Variants in TSHR observed in about 807,000 individuals in gnomAD.
TSHR encodes the protein thyrotropin receptor.
TSHR carries 51 observed loss-of-function variants against 64.1 expected under a neutral mutation model. The ratio of observed to expected loss-of-function variants is 0.80; its 90% CI spans 0.64 to 1.01. The LOEUF is 1.01. Among genes scored for constraint, TSHR ranks in the 50% least tolerant of loss-of-function variants. The probability of loss-of-function intolerance (pLI) is 0.00; values close to 1 mark genes in which losing one functional copy is unlikely to be tolerated. For missense variants in TSHR, 877 were observed against 942.8 expected (o/e 0.93, Z 0.91); for synonymous variants, 361 against 361.9 (o/e 1.00, Z 0.03).
intron 8 of TSHR, among the ~76,000 whole-genome samples, chr14:81,120,026 T>G: frequency 1.0e-5 from 1 of 100,388 alleles, no homozygotes; most frequent in East Asian, 3.4e-4. Flanking sequence ...CTGGGGACTG[T>G]TGTGGGGTGG....
intron 8 of TSHR, among the ~76,000 whole-genome samples, chr14:81,113,669 A>T (rs1365935085): frequency 6.6e-6 from 1 of 152,006 alleles, no homozygotes; most frequent in African/African-American, 2.4e-5. Context: ...AGGAAAGGTG[A>T]TCATGTGAGT....
At chr14:81,105,346 G>A (rs560129365) in intron 7 of TSHR, 65 of 618,248 alleles carry the variant, frequency 1.1e-4, no homozygotes, top group Admixed American at 1.3e-4. Flanking sequence ...TCAGATGGAA[G>A]GCAAGAGCAG....
intron 7 of TSHR, among the ~76,000 whole-genome samples, chr14:81,098,493 A>G (rs1449580948): frequency 1.3e-5 from 2 of 152,178 alleles, no homozygotes; most frequent in African/African-American, 4.8e-5. Context: ...CTTTGATTCA[A>G]CTATTCCTAG....
rs754517766 is a variant in TSHR, at chr14:81,143,617, G to A, written c.1559G>A (p.Trp520Ter). 3 of 1,613,912 alleles carry A rather than the reference G, an allele frequency of 1.9e-6. No individual in the cohort carries two copies. The highest frequency in any genetic ancestry group is 2.5e-6 in the Non-Finnish European group (3 of 1,180,042). ...CTGACGGTCATCACCCTGGAGCGCT[G>A]GTATGCCATCACCTTCGCCATGCGC... ...YTLTVITLERWYAITFAMRLD... is the reference protein window; with the variant it reads ...YTLTVITLER Residue 520 changes from tryptophan (W) to a stop codon, truncating the protein, a stop_gained, in exon 10 of 10, where the codon TGG becomes TAG. Coordinates refer to ENST00000298171, the MANE Select transcript of TSHR (RefSeq NM_000369.5). LOFTEE classifies it high-confidence loss of function.
intron 1 of TSHR, among the ~76,000 whole-genome samples, chr14:80,966,621 CAG>C (rs1887312315): frequency 6.7e-6 from 1 of 150,058 alleles, no homozygotes; most frequent in Non-Finnish European, 1.5e-5. Flanking sequence ...AAAAGTAAAA[CAG>C]AGAATGTCAG....
intron 1 of TSHR, among the ~76,000 whole-genome samples, chr14:81,058,827 G>T (rs1267227768): frequency 1.3e-5 from 2 of 152,230 alleles, no homozygotes; most frequent in East Asian, 3.9e-4. Flanking sequence ...TTCACTTGGT[G>T]TTTTTTCTTT....
Position 81,130,720 on chromosome 14 carries a change from G to A in TSHR, c.693-8959G>A, listed in dbSNP as rs1379064715. 8.8e-5 allele frequency among the ~76,000 whole-genome samples: 8 copies of A among 91,000 alleles called. 2 individuals are homozygous for A. Among genetic ancestry groups the A allele is most frequent in the African/African-American group, 7.3e-4 (8 of 11,000 alleles). The allele number at this position is 91,000 out of a possible 152,430, so 59.7% of individuals were successfully genotyped here. On this transcript the variant is annotated intron_variant, in intron 8 of 9. Coordinates refer to ENST00000298171, the MANE Select transcript of TSHR (RefSeq NM_000369.5). ...ATAAAACACTGCTTGGGCCGGGCGC[G>A]GTGGCTCACGCCTGTAATCCCAGCA...
chr14:81,096,498 T>C, intron 6 of TSHR, 141 bp from the exon 7 acceptor site: 1 of 777,934 alleles, frequency 1.3e-6, no homozygotes, highest in South Asian at 1.5e-5. Flanking sequence ...ACTGGAAAGT[T>C]TTCTTGTGGG....
intron 8 of TSHR, among the ~76,000 whole-genome samples, chr14:81,137,634 C>T (rs931363555): frequency 5.9e-5 from 9 of 152,320 alleles, no homozygotes; most frequent in African/African-American, 1.9e-4. Context: ...ACAGAGACAA[C>T]CTATCCCCAC....
chr14:81,136,490 G>T (rs1891461465), intron 8 of TSHR, among the ~76,000 whole-genome samples: 1 of 152,208 alleles, frequency 6.6e-6, no homozygotes, highest in African/African-American at 2.4e-5. Context: ...GGGAAATAGA[G>T]GAGGAGCAGG....
At chr14:80,978,095 AC>A (rs1447772092) in intron 1 of TSHR, among the ~76,000 whole-genome samples, 1 of 3,146 alleles carries the variant, frequency 3.2e-4, no homozygotes, top group Non-Finnish European at 1.6e-3. Context: ...CATCCCTCCA[AC>A]ACACACACAC....
chr14:81,128,335 G>T (rs1891099595), intron 8 of TSHR, among the ~76,000 whole-genome samples: 1 of 152,122 alleles, frequency 6.6e-6, no homozygotes, highest in African/African-American at 2.4e-5. Context: ...TATCAGGTAA[G>T]TCCCCCGAGG....
At chr14:81,072,996 C>CAAAAAAAA (rs1212879309) in intron 3 of TSHR, among the ~76,000 whole-genome samples, 3 of 7,524 alleles carry the variant, frequency 4.0e-4, no homozygotes, top group African/African-American at 1.3e-3. Flanking sequence ...GACTCCGTCT[C>CAAAAAAAA]AAAAAAAAAA....
intron 1 of TSHR, among the ~76,000 whole-genome samples, chr14:81,054,898 G>A (rs1595010899): frequency 6.6e-6 from 1 of 152,164 alleles, no homozygotes; most frequent in Non-Finnish European, 1.5e-5. Flanking sequence ...CATTTTCTGA[G>A]GAGAAATTCA....
chr14:80,989,206 G>A (rs185280132), intron 1 of TSHR, among the ~76,000 whole-genome samples: 33 of 152,072 alleles, frequency 2.2e-4, no homozygotes, highest in East Asian at 5.8e-4. Flanking sequence ...CTTCAGTTTC[G>A]TTTGTTACAG....
chr14:81,107,245 T>C (rs1012252173), intron 7 of TSHR: 1 of 152,120 alleles, frequency 6.6e-6, no homozygotes, highest in African/African-American at 2.4e-5. Context: ...TTAAAAATGT[T>C]CCACCATGAA....
chr14:80,979,431 G>T (rs1406634437), intron 1 of TSHR, among the ~76,000 whole-genome samples: 1 of 152,090 alleles, frequency 6.6e-6, no homozygotes, highest in Non-Finnish European at 1.5e-5. Flanking sequence ...TTAGGTAGGA[G>T]GAATAAATTC....
intron 1 of TSHR, among the ~76,000 whole-genome samples, chr14:81,043,768 C>T (rs1364690759): frequency 1.3e-5 from 2 of 151,972 alleles, no homozygotes; most frequent in Non-Finnish European, 2.9e-5. Context: ...AAAAAGAACT[C>T]GGAAACAAGT....
intron 1 of TSHR, among the ~76,000 whole-genome samples, chr14:81,011,069 A>C (rs866022105): frequency 6.6e-6 from 1 of 152,170 alleles, no homozygotes; most frequent in East Asian, 1.9e-4. Flanking sequence ...GACAGCATTC[A>C]ATTAGCTGGA....
Sources: allele counts gnomAD v4.1 joint callset (sites outside exome capture counted in the v4.1 genomes callset), GRCh38; gene constraint gnomAD v4.1.1; transcripts MANE v1.5; gene names NCBI Gene and HGNC (gene_info 2026-07-23, HGNC 2026-07-21).